TFEB: variants seen among roughly 807,000 people sequenced by gnomAD.
The protein encoded by TFEB is transcription factor EB, also known as T-cell transcription factor EB.
TFEB carries 12 observed loss-of-function variants against 48.0 expected under a neutral mutation model. The ratio of observed to expected loss-of-function variants is 0.25; its 90% CI spans 0.16 to 0.40. TFEB has a LOEUF of 0.40. Ranked by LOEUF, TFEB falls within the 10% of genes least tolerant of loss-of-function variation. The pLI is 1.00. For missense variants in TFEB, 509 were observed against 640.3 expected, an observed-to-expected ratio of 0.79 and a Z score of 2.21; for synonymous variants, 244 against 261.4, an observed-to-expected ratio of 0.93 and a Z score of 0.64.
chr6:41,705,884 A>G (rs949017387), intron 1 of TFEB: 1 of 152,140 alleles, frequency 6.6e-6, no homozygotes, highest in Admixed American at 6.5e-5. Flanking sequence ...ATCCCTCCCA[A>G]CCCTCAGATT....
In TFEB at chr6:41,734,499, G is replaced by T; in HGVS notation, c.-23+851C>A. 1 of 415,356 alleles carries T rather than the reference G, an allele frequency of 2.4e-6. No homozygotes were observed. Among genetic ancestry groups the T allele is most frequent in the Non-Finnish European group, 3.2e-6 (1 of 309,314 alleles). The allele number at this position is 415,356 out of a possible 1,614,324, so 25.7% of individuals were successfully genotyped here. ...GGCCAGAGCTGGTCGGGACAGCCCA[G>T]GGGTGGGCGGCACGGACTCGGGGGA... On this transcript the variant is annotated intron_variant, in intron 1 of 8. Transcript: ENST00000373033. The surrounding 1 kb of genome is among the most constrained non-coding windows in gnomAD (Gnocchi z 4.0).
Position 41,720,954 on chromosome 6 carries a change from G to A in TFEB, c.-23+14396C>T, listed in dbSNP as rs1411305574. On this transcript the variant is annotated intron_variant, in intron 1 of 8. Transcript: ENST00000373033. This position sits in a 1 kb window ranked among gnomAD's most constrained non-coding sequence, Gnocchi z 4.1. Reference sequence around the variant, plus strand: ...AGCAAGCATGGGCAGCTCCTGCCAGGCCTGACCCTGCAGCCTTCCACTGAC... The same window carrying A: ...AGCAAGCATGGGCAGCTCCTGCCAGACCTGACCCTGCAGCCTTCCACTGAC... 1.3e-5 allele frequency among the ~76,000 whole-genome samples: 2 copies of A among 152,212 alleles called. No homozygotes were observed. Among genetic ancestry groups the A allele is most frequent in the East Asian group, 1.9e-4 (1 of 5,176 alleles).
At chr6:41,716,442 C>T (rs1300904228) in intron 1 of TFEB, among the ~76,000 whole-genome samples, 3 of 152,208 alleles carry the variant, frequency 2.0e-5, no homozygotes, top group Non-Finnish European at 4.4e-5. Flanking sequence ...GCACCTTCAG[C>T]TCATCCTCTC....
intron 1 of TFEB, among the ~76,000 whole-genome samples, chr6:41,721,708 AT>A (rs1162151571): frequency 1.3e-5 from 2 of 152,162 alleles, no homozygotes; most frequent in African/African-American, 2.4e-5. Flanking sequence ...ATGGTGTCTT[AT>A]TTCATCCTCA....
intron 1 of TFEB, among the ~76,000 whole-genome samples, chr6:41,698,732 G>A (rs187660328): frequency 2.0e-5 from 3 of 152,160 alleles, no homozygotes; most frequent in South Asian, 2.1e-4. Flanking sequence ...GAACAGGTTC[G>A]AGATTCCTGG....
chr6:41,703,418 C>A (rs1242674947), intron 1 of TFEB, among the ~76,000 whole-genome samples: 1 of 152,214 alleles, frequency 6.6e-6, no homozygotes, highest in African/African-American at 2.4e-5. Context: ...GCACTCCAAC[C>A]CCGCCAGTGC....
chr6:41,698,038 G>GA (rs61635662), intron 1 of TFEB, among the ~76,000 whole-genome samples: 12,991 of 151,308 alleles, frequency 0.086, 956 homozygotes, highest in African/African-American at 0.19. Flanking sequence ...CTTTCTAATT[G>GA]AAAAAAAAAT....
chr6:41,718,363 C>G (rs1770827920), intron 1 of TFEB, among the ~76,000 whole-genome samples: 1 of 151,752 alleles, frequency 6.6e-6, no homozygotes, highest in Non-Finnish European at 1.5e-5. Context: ...CATGCATCAT[C>G]ACACCCGGAT....
At chr6:41,689,135 A>G (rs1769165988) in intron 4 of TFEB, among the ~76,000 whole-genome samples, 1 of 152,068 alleles carries the variant, frequency 6.6e-6, no homozygotes, top group Admixed American at 6.5e-5. Flanking sequence ...GGGATTTCCT[A>G]AGGTCACAGC....
chr6:41,733,594 C>CGGAGAGAAGGG (rs1397361080), intron 1 of TFEB: 1 of 985,148 alleles, frequency 1.0e-6, no homozygotes, highest in Non-Finnish European at 1.2e-6. Context: ...AGGAGGCAGA[C>CGGAGAGAAGGG]GGAGAGAAGG....
chr6:41,730,287 A>T lies in TFEB; in HGVS notation c.-23+5063T>A, dbSNP rs906044901. ...AATGTGTGCCCTGATGGAGGGAAAG[A>T]TTTGCTTATAGGGAAGGAGTGAGGA... On this transcript the variant is annotated intron_variant, in intron 1 of 8. Coordinates refer to ENST00000373033, the MANE Select transcript of TFEB (RefSeq NM_001271944.2). This position sits in a 1 kb window ranked among gnomAD's most constrained non-coding sequence, Gnocchi z 4.1. 1.3e-5 allele frequency among the ~76,000 whole-genome samples: 2 copies of T among 152,138 alleles called. No homozygotes were observed. The highest frequency in any genetic ancestry group is 2.9e-5 in the Non-Finnish European group (2 of 68,024).
Position 41,687,827 on chromosome 6 carries a change from A to G in TFEB, c.671-18T>C. 6.2e-7 allele frequency: 1 copy of G among 1,612,956 alleles called. No homozygotes were observed. The highest frequency in any genetic ancestry group is 8.5e-7 in the Non-Finnish European group (1 of 1,179,310). ...CTCAGCATCTGGAGGCCAAAAGAGA[A>G]GGAGAGAGGAGCTGGGAGGGAGGGA... On this transcript the variant is annotated intron_variant, in intron 5 of 8. Transcript: ENST00000373033.
chr6:41,717,011 T>A (rs932071011), intron 1 of TFEB, among the ~76,000 whole-genome samples: 1 of 152,198 alleles, frequency 6.6e-6, no homozygotes, highest in Non-Finnish European at 1.5e-5. Context: ...ATCAAAGGAC[T>A]GGGCAGAAGC....
intron 1 of TFEB, among the ~76,000 whole-genome samples, chr6:41,714,695 A>C (rs1010147585): frequency 1.3e-5 from 2 of 152,122 alleles, no homozygotes. Flanking sequence ...CCCCATCCCG[A>C]GGGTGCGGGG....
chr6:41,687,896 G>C lies in TFEB; in HGVS notation c.670+12C>G. On this transcript the variant is annotated intron_variant, in intron 5 of 8. Transcript: ENST00000373033. Reference sequence around the variant, plus strand: ...GGGTATTCAAAGGCACAGGGGTAGAGGGAGGCAGTACCTGTGAGCTCTCGC... The same window carrying C: ...GGGTATTCAAAGGCACAGGGGTAGACGGAGGCAGTACCTGTGAGCTCTCGC... 1 of 1,612,358 alleles carries C rather than the reference G, an allele frequency of 6.2e-7. No individual in the cohort carries two copies. The highest frequency in any genetic ancestry group is 8.5e-7 in the Non-Finnish European group (1 of 1,178,616).
At position 41,734,318 on chromosome 6, in the gene TFEB, G is replaced by C. The variant is rs575070827; in HGVS notation, c.-23+1032C>G. ...GGGCTCCCTCCCTTCCTCACCCGGG[G>C]CGCGGGGCTGGGGCGCGCCAGGCGG... On this transcript the variant is annotated intron_variant, in intron 1 of 8. Coordinates refer to ENST00000373033, the MANE Select transcript of TFEB (RefSeq NM_001271944.2). The surrounding 1 kb of genome is among the most constrained non-coding windows in gnomAD (Gnocchi z 4.0). 38 of 984,020 alleles carry C rather than the reference G, an allele frequency of 3.9e-5. 1 individual carries two copies. In the East Asian group the frequency reaches 3.6e-3, roughly 92 times the overall value. The allele number at this position is 984,020 out of a possible 1,614,324, so 61.0% of individuals were successfully genotyped here.
At position 41,734,244 on chromosome 6, in the gene TFEB, A is replaced by G. The variant is rs977325350; in HGVS notation, c.-23+1106T>C. Reference sequence around the variant, plus strand: ...GCGGCCAGGGGCTGGCGGAGAGCGGAGGGCGGGGGCCTGGGCCCAGCGGGG... The same window carrying G: ...GCGGCCAGGGGCTGGCGGAGAGCGGGGGGCGGGGGCCTGGGCCCAGCGGGG... On this transcript the variant is annotated intron_variant, in intron 1 of 8. Coordinates refer to ENST00000373033, the MANE Select transcript of TFEB (RefSeq NM_001271944.2). This position sits in a 1 kb window ranked among gnomAD's most constrained non-coding sequence, Gnocchi z 4.0. The G allele has an allele frequency of 1.7e-6, 1 of 593,556 alleles. No homozygotes were observed. The highest frequency in any genetic ancestry group is 2.1e-6 in the Non-Finnish European group (1 of 472,316). 36.8% of individuals were successfully genotyped at this position (593,556 alleles called of 1,614,324 possible).
chr6:41,695,659 C>A (rs1157089125), intron 1 of TFEB, among the ~76,000 whole-genome samples: 1 of 152,172 alleles, frequency 6.6e-6, no homozygotes, highest in East Asian at 1.9e-4. Context: ...CCCAGCACCC[C>A]AAACTGTTCA....
At chr6:41,714,096 CGTGT>C (rs1044529324) in intron 1 of TFEB, among the ~76,000 whole-genome samples, 3 of 150,376 alleles carry the variant, frequency 2.0e-5, no homozygotes, top group Non-Finnish European at 4.4e-5. Flanking sequence ...CCTGTGTGTG[CGTGT>C]GTGTGTGCAC....
Sources: allele counts gnomAD v4.1 joint callset (sites outside exome capture counted in the v4.1 genomes callset), GRCh38; gene constraint gnomAD v4.1.1; non-coding constraint Gnocchi (gnomAD v3.1); transcripts MANE v1.5; gene names NCBI Gene and HGNC (gene_info 2026-07-23, HGNC 2026-07-21).